The following VPS37D variants were observed in gnomAD, a reference collection of about 807,000 sequenced individuals.
VPS37D encodes the protein VPS37D subunit of ESCRT-I.
VPS37D carries 5 observed loss-of-function variants against 22.0 expected under a neutral mutation model. The ratio of observed to expected loss-of-function variants is 0.23; its 90% CI spans 0.12 to 0.48. The LOEUF is 0.48. VPS37D is among the 20% of genes least tolerant of loss of function. The probability of loss-of-function intolerance (pLI) is 0.99; values close to 1 mark genes in which losing one functional copy is unlikely to be tolerated. For synonymous variants in VPS37D, 174 were observed against 159.3 expected, an observed-to-expected ratio of 1.09 and a Z score of -0.69; for missense variants, 384 against 345.8, an observed-to-expected ratio of 1.11 and a Z score of -0.88.
upstream of VPS37D, among the ~76,000 whole-genome samples, chr7:73,666,702 G>C (rs1157347626): frequency 4.6e-5 from 7 of 151,466 alleles, no homozygotes; most frequent in African/African-American, 1.2e-4. Flanking sequence ...CCCGGCCTCT[G>C]TGATGCTTCT....
intron 1 of VPS37D, among the ~76,000 whole-genome samples, chr7:73,669,114 T>C (rs1033483680): frequency 1.3e-5 from 2 of 152,164 alleles, no homozygotes; most frequent in Admixed American, 6.5e-5. Context: ...AAAAATTAAC[T>C]AACATTTGTA....
At chr7:73,667,681 G>A (rs112685312), upstream of VPS37D, 4,826 of 153,532 alleles carry the variant, frequency 0.031, 76 homozygotes, top group Non-Finnish European at 0.038. Flanking sequence ...CGGGAGGGGC[G>A]GGGAGATCGG....
At chr7:73,666,991 G>A (rs868929613), upstream of VPS37D, among the ~76,000 whole-genome samples, 77 of 41,100 alleles carry the variant, frequency 1.9e-3, no homozygotes, top group Non-Finnish European at 3.3e-3. Context: ...TTTTTTTTTT[G>A]AGACGGAGTC....
rs1239437868 is a variant in VPS37D at position 73,670,087 on chromosome 7, G to A, written c.378G>A (p.Ala126=). 16 of 1,551,362 alleles carry A rather than the reference G, an allele frequency of 1.0e-5. No homozygotes were observed. The highest frequency in any genetic ancestry group is 4.8e-5 in the South Asian group (4 of 84,058). Reference sequence around the variant, plus strand: ...GGCTGCAGGCTGAGCTAGAAGAGGCGGAGCAGGAGGCAGAGGTGAGGGGAG... The same window carrying A: ...GGCTGCAGGCTGAGCTAGAAGAGGCAGAGCAGGAGGCAGAGGTGAGGGGAG... ...LGWLQAELEE[A]EQEAEEQMEQ... The change falls in exon 3 of 4, where the codon GCG becomes GCA. Residue 126 remains alanine (A), a synonymous_variant. Coordinates refer to ENST00000324941, the MANE Select transcript of VPS37D (RefSeq NM_001077621.2).
chr7:73,669,414 CG>C lies in VPS37D; in HGVS notation c.139-4del. On this transcript the variant is annotated splice_polypyrimidine_tract_variant and splice_region_variant and intron_variant, in intron 1 of 3. Transcript: ENST00000324941. ...GCGGGCCTCTTAGCTCCTCTCTGCC[CG>C]CAGTTCCAGGGCCTGCAGCTGGAGC... 1 of 1,544,486 alleles carries C rather than the reference CG, an allele frequency of 6.5e-7. No individual in the cohort carries two copies. Among genetic ancestry groups the C allele is most frequent in the Non-Finnish European group, 8.8e-7 (1 of 1,142,258 alleles).
At chr7:73,667,104 C>T (rs1797390711), upstream of VPS37D, among the ~76,000 whole-genome samples, 1 of 151,700 alleles carries the variant, frequency 6.6e-6, no homozygotes. Flanking sequence ...TCGCGAGTAG[C>T]TGGGACTACA....
chr7:73,670,332 C>T (rs1279395026), intron 3 of VPS37D, among the ~76,000 whole-genome samples: 1 of 152,210 alleles, frequency 6.6e-6, no homozygotes, highest in Non-Finnish European at 1.5e-5. Flanking sequence ...TGGGCTAGGG[C>T]AGCGTGGATC....
rs369607047 is a variant in VPS37D at position 73,671,234 on chromosome 7, G to A, written c.614G>A (p.Arg205Gln). 245 of 1,548,004 alleles carry A rather than the reference G, an allele frequency of 1.6e-4. No individual in the cohort carries two copies. Among genetic ancestry groups the A allele is most frequent in the Middle Eastern group, 1.2e-3 (6 of 5,144 alleles). ...GCTGTCCTGCCCACTGGGGCCGCCCGGGGGCCACCAGCAGTGCCCCGGAGC... is the reference window on the plus strand; with the variant it reads ...GCTGTCCTGCCCACTGGGGCCGCCCAGGGGCCACCAGCAGTGCCCCGGAGC... ...AAAVLPTGAARGPPAVPRSLP... is the reference protein window; with the variant it reads ...AAAVLPTGAAQGPPAVPRSLP... Residue 205 changes from arginine (R) to glutamine (Q), a missense_variant, in exon 4 of 4, where the codon CGG (arginine) becomes CAG (glutamine). Coordinates refer to ENST00000324941, the MANE Select transcript of VPS37D (RefSeq NM_001077621.2).
intron 1 of VPS37D, 46 bp from the exon 2 acceptor site, chr7:73,669,356 GGGGCAGTAGGGTGGACA>G: frequency 2.0e-6 from 3 of 1,469,014 alleles, no homozygotes; most frequent in Non-Finnish European, 2.7e-6. Flanking sequence ...TAGGGTGGAC[GGGGCAGTAGGGTGGACA>G]GGGCAGATCC....
At chr7:73,667,517 C>T (rs1554608870), upstream of VPS37D, among the ~76,000 whole-genome samples, 3 of 152,158 alleles carry the variant, frequency 2.0e-5, no homozygotes, top group East Asian at 5.8e-4. Context: ...GAGCCCTCGG[C>T]GCCCGGCCAA....
rs563006103 is a variant in VPS37D, at chr7:73,669,885, A to G, written c.311-135A>G. 6.2e-6 allele frequency: 9 copies of G among 1,452,194 alleles called. No homozygotes were observed. The African/African-American group carries it at 9.9e-5, about 16-fold the overall frequency. The allele number at this position is 1,452,194 out of a possible 1,614,324, so 90.0% of individuals were successfully genotyped here. ...GGGGCCGGATCCACAAAGCGGTCAC[A>G]TGGGCACGGTACAGATGAGGAAACT... is the stretch of plus-strand genomic sequence containing the variant. On this transcript the variant is annotated intron_variant, in intron 2 of 3. Transcript: ENST00000324941.
intron 3 of VPS37D, among the ~76,000 whole-genome samples, chr7:73,670,421 C>T (rs1195255913): frequency 6.6e-6 from 1 of 152,176 alleles, no homozygotes; most frequent in Non-Finnish European, 1.5e-5. Context: ...TGGTGGGCTC[C>T]CGAAGGACAT....
chr7:73,669,503 C>G lies in VPS37D; in HGVS notation c.223C>G (p.Leu75Val). 6.3e-7 allele frequency: 1 copy of G among 1,582,986 alleles called. No individual in the cohort carries two copies. Among genetic ancestry groups the G allele is most frequent in the Non-Finnish European group, 8.6e-7 (1 of 1,164,962 alleles). ...AKENLALRPR[L>V]EMGRAALAIK... ...GGAGAACCTGGCCCTGCGGCCCCGC[C>G]TGGAGATGGGCCGGGCTGCCCTGGC... Residue 75 changes from leucine to valine, a missense_variant, in exon 2 of 4, where the codon CTG becomes GTG. Physicochemically the swap from Leu to Val is conservative, Grantham distance 32. Coordinates refer to ENST00000324941, the MANE Select transcript of VPS37D (RefSeq NM_001077621.2).
chr7:73,669,386 T>C (rs1554609221), intron 1 of VPS37D, 33 bp from the exon 2 acceptor site: 7 of 1,522,582 alleles, frequency 4.6e-6, no homozygotes, highest in Non-Finnish European at 6.2e-6. Flanking sequence ...GCAGATCCCC[T>C]GAGCGGGCCT....
chr7:73,669,285 AC>A, intron 1 of VPS37D, 133 bp from the exon 2 acceptor site: 1 of 1,188,156 alleles, frequency 8.4e-7, no homozygotes, highest in Non-Finnish European at 1.1e-6. Context: ...TGTTGGGTTC[AC>A]CACCCTGAAG....
rs1018816767 is a variant in VPS37D at position 73,669,718 on chromosome 7, A to G, written c.310+128A>G. The G allele has an allele frequency of 3.6e-4, 214 of 588,776 alleles. 1 individual carries two copies. Among genetic ancestry groups the G allele is most frequent in the Non-Finnish European group, 6.4e-5 (25 of 389,970 alleles). 36.5% of individuals were successfully genotyped at this position (588,776 alleles called of 1,614,324 possible). ...CGGACCTGCTCCTGGCTTGCTGGGC[A>G]GTAGAGTTGAGGAAGTGAGAGGAAG... On this transcript the variant is annotated intron_variant, in intron 2 of 3. Coordinates refer to ENST00000324941, the MANE Select transcript of VPS37D (RefSeq NM_001077621.2).
intron 1 of VPS37D, 32 bp from the exon 2 acceptor site, chr7:73,669,387 G>A (rs1797453120): frequency 6.6e-6 from 10 of 1,524,118 alleles, no homozygotes; most frequent in African/African-American, 1.4e-5. Flanking sequence ...CAGATCCCCT[G>A]AGCGGGCCTC....
chr7:73,670,294 G>A (rs148169011), intron 3 of VPS37D, among the ~76,000 whole-genome samples, 192 bp downstream of exon 3: 2 of 152,306 alleles, frequency 1.3e-5, no homozygotes, highest in Non-Finnish European at 2.9e-5. Flanking sequence ...TTTCCTACCT[G>A]TGAATTTTTT....
intron 2 of VPS37D, 69 bp downstream of exon 2, chr7:73,669,659 G>C: frequency 6.6e-7 from 1 of 1,523,850 alleles, no homozygotes; most frequent in Admixed American, 2.0e-5. Flanking sequence ...GGTTGGCCTT[G>C]GGAAGTGCCA....
Sources: gnomAD v4.1 joint callset for allele counts (sites outside exome capture counted in the v4.1 genomes callset) on GRCh38, gnomAD v4.1.1 for gene constraint, MANE v1.5 for transcripts, NCBI Gene and HGNC (gene_info 2026-07-23, HGNC 2026-07-21) for gene names.